The following NUP214 variants were observed in gnomAD, a reference collection of about 807,000 sequenced individuals.
NUP214 encodes nucleoporin 214.
Under a neutral mutation model 196.2 loss-of-function variants are expected in NUP214, and 79 were observed. The ratio of observed to expected loss-of-function variants is 0.40; its 90% confidence interval spans 0.34 to 0.49. The LOEUF is 0.49. Ranked by LOEUF, NUP214 falls within the 20% of genes least tolerant of loss-of-function variation. NUP214 has a pLI of 0.58. For synonymous variants in NUP214, 1,020 were observed against 990.5 expected (o/e 1.03, Z -0.56); for missense variants, 2,468 against 2,539.0 (o/e 0.97, Z 0.60).
chr9:131,195,960 G>T (rs1290143177), intron 28 of NUP214, among the ~76,000 whole-genome samples: 1 of 128,612 alleles, frequency 7.8e-6, no homozygotes. Context: ...GGGAGGCAAG[G>T]TTGCAGTGAG....
Position 131,146,496 on chromosome 9 carries a change from C to T in NUP214, c.1945+192C>T, listed in dbSNP as rs1832090330. Among the ~76,000 whole-genome samples the T allele has an allele frequency of 6.6e-6, 1 of 152,140 alleles. No homozygotes were observed. Among genetic ancestry groups the T allele is most frequent in the Non-Finnish European group, 1.5e-5 (1 of 68,028 alleles). On this transcript the variant is annotated intron_variant, in intron 13 of 35. Transcript: ENST00000359428. The surrounding 1 kb of genome is among the most constrained non-coding windows in gnomAD (Gnocchi z 4.6). ...AGATTTGCTCTTGCTTAAATGCTGCCACTCTTCTCTCTGACACTTCTTATG... is the reference window on the plus strand; with the variant it reads ...AGATTTGCTCTTGCTTAAATGCTGCTACTCTTCTCTCTGACACTTCTTATG...
rs146771453 is a variant in NUP214, at chr9:131,197,702, C to G, written c.4208C>G (p.Thr1403Ser). The G allele has an allele frequency of 1.9e-6, 3 of 1,614,124 alleles. No homozygotes were observed. Among genetic ancestry groups the G allele is most frequent in the African/African-American group, 2.7e-5 (2 of 74,938 alleles). ...TTTSVAPPAATSTSSTAVFGS... is the reference protein window; with the variant it reads ...TTTSVAPPAASSTSSTAVFGS... ...ACCTCAGTAGCACCACCAGCAGCCA[C>G]CAGCACTTCCTCAACTGCCGTTTTT... The change falls in exon 29 of 36, where the codon ACC (threonine) becomes AGC (serine). Residue 1403 changes from threonine (T) to serine (S), a missense_variant. Physicochemically the swap from Thr to Ser is moderately conservative, Grantham distance 58. Around this residue, in one of 5 missense-constraint regions of NUP214, gnomAD observed 1,801 missense variants for 1,779.4 expected, o/e 1.01. Coordinates refer to ENST00000359428, the MANE Select transcript of NUP214 (RefSeq NM_005085.4).
intron 34 of NUP214, among the ~76,000 whole-genome samples, chr9:131,231,999 G>T (rs948333823): frequency 1.3e-4 from 20 of 151,688 alleles, no homozygotes; most frequent in Non-Finnish European, 2.5e-4. Flanking sequence ...GAGACCCTCT[G>T]CCTACAGCTG....
chr9:131,196,065 G>C (rs1168201572), intron 28 of NUP214, among the ~76,000 whole-genome samples: 1 of 114,124 alleles, frequency 8.8e-6, no homozygotes, highest in African/African-American at 3.4e-5. Flanking sequence ...TCAATAGCAT[G>C]TTTTTAACAT....
At chr9:131,206,543 C>G (rs1834094576) in intron 30 of NUP214, among the ~76,000 whole-genome samples, 1 of 151,982 alleles carries the variant, frequency 6.6e-6, no homozygotes, top group Non-Finnish European at 1.5e-5. Context: ...CTCCTGGGCT[C>G]AAGCAGTCCT....
At chr9:131,138,043 C>T (rs10448344) in intron 9 of NUP214, among the ~76,000 whole-genome samples, 37,641 of 151,974 alleles carry the variant, frequency 0.25, 4,770 homozygotes, top group East Asian at 0.42. Flanking sequence ...TTAATATGAA[C>T]GTGTCTGTTA....
chr9:131,203,884 AGG>A (rs1033466741), intron 30 of NUP214, among the ~76,000 whole-genome samples: 29 of 152,280 alleles, frequency 1.9e-4, no homozygotes, highest in African/African-American at 6.7e-4. Context: ...ATAACCCCAA[AGG>A]TAAAGGGACA....
intron 30 of NUP214, among the ~76,000 whole-genome samples, chr9:131,209,307 G>C (rs1255031198): frequency 6.6e-6 from 1 of 152,190 alleles, no homozygotes; most frequent in African/African-American, 2.4e-5. Context: ...GAGCTCGGGA[G>C]GTCAAGGCTG....
At chr9:131,220,332 C>T (rs1027282868) in intron 31 of NUP214, among the ~76,000 whole-genome samples, 3 of 152,178 alleles carry the variant, frequency 2.0e-5, no homozygotes, top group Non-Finnish European at 2.9e-5. Context: ...CCAAGAAACA[C>T]ATTGTTGACA....
At position 131,198,545 on chromosome 9, in the gene NUP214, G is replaced by C. The variant is rs767237547; in HGVS notation, c.5051G>C (p.Ser1684Thr). Residue 1684 changes from serine (S) to threonine (T), a missense_variant, in exon 29 of 36, where the codon AGT becomes ACT. Transcript: ENST00000359428. ...FGQVAASTAP[S>T]LFGQQTGSTA... ...CAAGTGGCAGCCAGCACCGCACCAA[G>C]TCTGTTTGGGCAGCAGACTGGTAGC... 3 of 1,614,100 alleles carry C rather than the reference G, an allele frequency of 1.9e-6. No homozygotes were observed. Among genetic ancestry groups the C allele is most frequent in the South Asian group, 1.1e-5 (1 of 91,092 alleles).
In NUP214 at chr9:131,199,030, A is replaced by G; in HGVS notation, c.5521+15A>G. ...CCAAGCTTCAGGTAAGAATTTGTGG[A>G]AGCTTTTTACTTGTTTCCCTCTCTG... is the stretch of plus-strand genomic sequence containing the variant. On this transcript the variant is annotated intron_variant, in intron 29 of 35. Transcript: ENST00000359428. 6.4e-7 allele frequency: 1 copy of G among 1,566,492 alleles called. No homozygotes were observed. Among genetic ancestry groups the G allele is most frequent in the South Asian group, 1.2e-5 (1 of 84,498 alleles).
chr9:131,212,528 A>G (rs921852164), intron 30 of NUP214, among the ~76,000 whole-genome samples: 21 of 151,808 alleles, frequency 1.4e-4, no homozygotes, highest in African/African-American at 4.6e-4. Flanking sequence ...CTTTCCCTTT[A>G]TTTCTCAGAC....
intron 14 of NUP214, among the ~76,000 whole-genome samples, chr9:131,148,627 AT>A (rs1832154427): frequency 6.6e-6 from 1 of 152,024 alleles, no homozygotes; most frequent in Non-Finnish European, 1.5e-5. Context: ...TTTAATTTGT[AT>A]TTCTCTAATG....
chr9:131,176,616 A>T (rs1833129657), intron 23 of NUP214, among the ~76,000 whole-genome samples: 1 of 152,236 alleles, frequency 6.6e-6, no homozygotes, highest in African/African-American at 2.4e-5. Context: ...GGCATGAGCC[A>T]CTGCTCCTGA....
chr9:131,211,608 A>T (rs1029844037), intron 30 of NUP214, among the ~76,000 whole-genome samples: 1 of 152,212 alleles, frequency 6.6e-6, no homozygotes, highest in African/African-American at 2.4e-5. Context: ...TGAAGATTTC[A>T]TGGACATTTA....
At position 131,197,351 on chromosome 9, in the gene NUP214, G is replaced by T; in HGVS notation, c.3857G>T (p.Gly1286Val). 1 of 1,614,128 alleles carries T rather than the reference G, an allele frequency of 6.2e-7. No individual in the cohort carries two copies. Residue 1286 changes from glycine (G) to valine (V), a missense_variant, in exon 29 of 36, where the codon GGA (glycine) becomes GTA (valine). Around this residue, in one of 5 missense-constraint regions of NUP214, gnomAD observed 1,801 missense variants for 1,779.4 expected, o/e 1.01. Transcript: ENST00000359428. ...GITSASNTTPGEPAASSSRPV... is the reference protein window; with the variant it reads ...GITSASNTTPVEPAASSSRPV... ...ACATCCGCATCAAACACCACCCCAG[G>T]AGAACCTGCCGCATCTAGCAGCAGA...
chr9:131,210,652 G>A lies in NUP214; in HGVS notation c.5593-4560G>A, dbSNP rs760022025. ...AAAAAAAAAAACAAAAACGCAAGTC[G>A]TTATCTGTATTTGAAGTTTAAATCT... On this transcript the variant is annotated intron_variant, in intron 30 of 35. Coordinates refer to ENST00000359428, the MANE Select transcript of NUP214 (RefSeq NM_005085.4). 2.3e-4 allele frequency among the ~76,000 whole-genome samples: 35 copies of A among 151,834 alleles called. 1 individual carries two copies. Among genetic ancestry groups the A allele is most frequent in the Admixed American group, 1.2e-3 (19 of 15,248 alleles).
At chr9:131,229,499 GATTT>G in intron 33 of NUP214, 2 of 342,474 alleles carry the variant, frequency 5.8e-6, no homozygotes, top group South Asian at 4.3e-5. Flanking sequence ...CTTGTGAATT[GATTT>G]ATTTATTTGA....
chr9:131,202,388 C>T (rs944938433), intron 30 of NUP214, among the ~76,000 whole-genome samples: 1 of 149,910 alleles, frequency 6.7e-6, no homozygotes, highest in Non-Finnish European at 1.5e-5. Flanking sequence ...TATGTGTGTA[C>T]ACACACACAC....
Sources: allele counts gnomAD v4.1 joint callset (sites outside exome capture counted in the v4.1 genomes callset), GRCh38; gene constraint gnomAD v4.1.1; regional missense constraint gnomAD v4.1.1; non-coding constraint Gnocchi (gnomAD v3.1); transcripts MANE v1.5; gene names NCBI Gene and HGNC (gene_info 2026-07-23, HGNC 2026-07-21).